The following CDAN1 variants were observed in gnomAD, a reference collection of about 807,000 sequenced individuals.
CDAN1 encodes the protein codanin-1.
Under a neutral mutation model 139.8 loss-of-function variants are expected in CDAN1, and 107 were observed. The observed-to-expected ratio is 0.77, with a 90% confidence interval of 0.65 to 0.90. The LOEUF is 0.90. Among genes scored for constraint, CDAN1 ranks in the 40% least tolerant of loss-of-function variants. The pLI is 0.00. For synonymous variants in CDAN1, 776 were observed against 660.6 expected (o/e 1.17, Z -2.68); for missense variants, 1,667 against 1,575.7 (o/e 1.06, Z -0.98).
intron 5 of CDAN1, 35 bp from the exon 6 acceptor site, chr15:42,735,213 G>A (rs867105987): frequency 3.1e-6 from 5 of 1,602,360 alleles, no homozygotes; most frequent in Middle Eastern, 1.7e-4. Flanking sequence ...AGTTAAGAAC[G>A]GTCCCGTTTC....
Position 42,725,178 on chromosome 15 carries a change from C to G in CDAN1, c.3524G>C (p.Cys1175Ser). Reference sequence around the variant, plus strand: ...CTGGGCCTGGTGGAGGCTGCCCAGGCAGGCCTCTATCTCCATCCGTCCCAT... The same window carrying G: ...CTGGGCCTGGTGGAGGCTGCCCAGGGAGGCCTCTATCTCCATCCGTCCCAT... ...GLMGRMEIEA[C>S]LGSLHQAQWP... The change falls in exon 27 of 28, where the codon TGC becomes TCC. Residue 1175 changes from cysteine to serine, a missense_variant. Cys to Ser is a moderately radical substitution (Grantham distance 112). Coordinates refer to ENST00000356231, the MANE Select transcript of CDAN1 (RefSeq NM_138477.4). The G allele has an allele frequency of 6.2e-7, 1 of 1,614,202 alleles. No individual in the cohort carries two copies. The highest frequency in any genetic ancestry group is 8.5e-7 in the Non-Finnish European group (1 of 1,180,000).
Position 42,730,179 on chromosome 15 carries a change from C to T in CDAN1, c.2211G>A (p.Met737Ile). The change falls in exon 15 of 28, where the codon ATG (methionine) becomes ATA (isoleucine). Residue 737 changes from methionine to isoleucine, a missense_variant. By Grantham distance (10) the Met-to-Ile change is conservative. Around this residue, in one of 3 missense-constraint regions of CDAN1, gnomAD observed 936 missense variants for 844.1 expected, o/e 1.11. Coordinates refer to ENST00000356231, the MANE Select transcript of CDAN1 (RefSeq NM_138477.4). The part of the protein sequence containing the change: ...LVLSQESEGK[M>I]CFLNKLLLLA... ...GTAGCAGCAGCTTGTTCAGGAAACA[C>T]ATCTTCCCCTCACTCTCCTGCGACA... 1 of 1,614,224 alleles carries T rather than the reference C, an allele frequency of 6.2e-7. No homozygotes were observed. Among genetic ancestry groups the T allele is most frequent in the South Asian group, 1.1e-5 (1 of 91,086 alleles).
Position 42,725,608 on chromosome 15 carries a change from G to C in CDAN1, c.3331C>G (p.Arg1111Gly), listed in dbSNP as rs776820554. 94 of 1,613,998 alleles carry C rather than the reference G, an allele frequency of 5.8e-5. No homozygotes were observed. Among genetic ancestry groups the C allele is most frequent in the Middle Eastern group, 1.6e-4 (1 of 6,084 alleles). ...AQYRLERGQARRLLHMLLSLW... is the reference protein window; with the variant it reads ...AQYRLERGQAGRLLHMLLSLW... ...GAAAGCAGCATGTGCAGAAGCCTTC[G>C]AGCCTGCCCTCTCTCCAGCCTGTAC... The change falls in exon 26 of 28, where the codon CGA (arginine) becomes GGA (glycine). Residue 1111 changes from arginine to glycine, a missense_variant. This residue lies in a region of CDAN1 where 936 missense variants were observed against 844.1 expected (regional missense o/e 1.11). Transcript: ENST00000356231.
chr15:42,728,289 C>G (rs749229757), intron 20 of CDAN1, 22 bp from the exon 21 acceptor site: 1 of 1,612,820 alleles, frequency 6.2e-7, no homozygotes, highest in Non-Finnish European at 8.5e-7. Context: ...CAGATGGGGT[C>G]AGTGATCTCT....
chr15:42,724,781 G>A, intron 27 of CDAN1, 165 bp from the exon 28 acceptor site: 1 of 940,212 alleles, frequency 1.1e-6, no homozygotes. Flanking sequence ...TACTCTGGGA[G>A]GCTGAAGTTA....
chr15:42,726,025 A>C (rs2140460692), intron 25 of CDAN1, 72 bp downstream of exon 25: 1 of 1,214,752 alleles, frequency 8.2e-7, no homozygotes, highest in East Asian at 2.4e-5. Flanking sequence ...CTCTGTTTCT[A>C]ATCTTGCTTG....
Position 42,729,061 on chromosome 15 carries a change from C to T in CDAN1, c.2607G>A (p.Val869=). 1 of 1,614,194 alleles carries T rather than the reference C, an allele frequency of 6.2e-7. No homozygotes were observed. The highest frequency in any genetic ancestry group is 2.2e-5 in the East Asian group (1 of 44,874). Residue 869 remains valine, a synonymous_variant, in exon 19 of 28, where the codon GTG becomes GTA. Coordinates refer to ENST00000356231, the MANE Select transcript of CDAN1 (RefSeq NM_138477.4). Reference sequence around the variant, plus strand: ...CACAGTTTGATCCAATTCTTTCTGCCACGAACTCTACGGTCCGGCGCAAGG... The same window carrying T: ...CACAGTTTGATCCAATTCTTTCTGCTACGAACTCTACGGTCCGGCGCAAGG... ...PPSLRRTVEF[V]AERIGSNCVK...
chr15:42,736,840 G>A, intron 1 of CDAN1, 60 bp from the exon 2 acceptor site: 1 of 1,460,822 alleles, frequency 6.8e-7, no homozygotes, highest in Non-Finnish European at 9.0e-7. Flanking sequence ...CGGGCCGTGA[G>A]CAGCCGGGGC....
Position 42,724,387 on chromosome 15 carries a change from C to CT in CDAN1, c.*103dup. 2 of 1,470,906 alleles carry CT rather than the reference C, an allele frequency of 1.4e-6. No homozygotes were observed. Among genetic ancestry groups the CT allele is most frequent in the African/African-American group, 2.8e-5 (2 of 71,698 alleles). The allele number at this position is 1,470,906 out of a possible 1,614,324, so 91.1% of individuals were successfully genotyped here. A position where few individuals can be genotyped will look rare whatever the true frequency, so the allele number is the denominator to read the frequency against. On this transcript the variant is annotated 3_prime_UTR_variant, in exon 28 of 28. Coordinates refer to ENST00000356231, the MANE Select transcript of CDAN1 (RefSeq NM_138477.4). ...GCAGGAAGTCTGACTGTAGACCCAG[C>CT]TACACCCCAACCAGTGAGGGTCTGC...
In CDAN1 at chr15:42,729,373, G is replaced by T; in HGVS notation, c.2408-11C>A. The T allele has an allele frequency of 6.2e-7, 1 of 1,614,106 alleles. No individual in the cohort carries two copies. The highest frequency in any genetic ancestry group is 8.5e-7 in the Non-Finnish European group (1 of 1,179,990). On this transcript the variant is annotated splice_polypyrimidine_tract_variant and intron_variant, in intron 17 of 27. Coordinates refer to ENST00000356231, the MANE Select transcript of CDAN1 (RefSeq NM_138477.4). ...GTTTCCGGAGCTCTCCTGTATCAGT[G>T]AAGTCCAAGTTCTCAGTTCCAGAAC...
intron 7 of CDAN1, 82 bp downstream of exon 7, chr15:42,734,144 G>A: frequency 1.2e-6 from 2 of 1,606,580 alleles, no homozygotes; most frequent in South Asian, 1.1e-5. Context: ...ACACTGAAGT[G>A]TCGTCAGCAG....
chr15:42,728,991 C>T (rs374649955), intron 19 of CDAN1, 32 bp downstream of exon 19: 44 of 1,604,180 alleles, frequency 2.7e-5, no homozygotes, highest in Middle Eastern at 1.7e-4. Flanking sequence ...AATGGTAGGG[C>T]GATGAGACCA....
intron 9 of CDAN1, 50 bp from the exon 10 acceptor site, chr15:42,732,458 G>A (rs1250479931): frequency 1.3e-6 from 2 of 1,551,580 alleles, no homozygotes; most frequent in Non-Finnish European, 1.8e-6. Flanking sequence ...GGGAGAGGGA[G>A]AAAGATCTGA....
In CDAN1 at chr15:42,735,120, C is replaced by G; in HGVS notation, c.1116G>C (p.Gln372His). 1.2e-6 allele frequency: 2 copies of G among 1,613,808 alleles called. No homozygotes were observed. The highest frequency in any genetic ancestry group is 1.7e-6 in the Non-Finnish European group (2 of 1,179,752). The change falls in exon 6 of 28, where the codon CAG (glutamine) becomes CAC (histidine). Residue 372 changes from glutamine (Q) to histidine (H), a missense_variant. This residue lies in a region of CDAN1 where 244 missense variants were observed against 309.4 expected (regional missense o/e 0.79). Coordinates refer to ENST00000356231, the MANE Select transcript of CDAN1 (RefSeq NM_138477.4). ...CTCACTGAAAGTGACACTCCAAAAC[C>G]TGCACTGCAAAGAAGACACAATCGT... ...SIHDCVFFAV[Q>H]VLECHFQVLS...
chr15:42,724,735 C>A (rs1449457931), intron 27 of CDAN1, 119 bp from the exon 28 acceptor site: 4 of 1,223,148 alleles, frequency 3.3e-6, no homozygotes, highest in Non-Finnish European at 4.6e-6. Flanking sequence ...CTGCCCTCCA[C>A]ACTGAAATGG....
At chr15:42,731,137 AT>A in intron 12 of CDAN1, 66 bp from the exon 13 acceptor site, 1 of 1,614,212 alleles carries the variant, frequency 6.2e-7, no homozygotes, top group Non-Finnish European at 8.5e-7. Context: ...CCGATCTGTT[AT>A]AAAGTTTTTC....
chr15:42,735,991 T>A lies in CDAN1; in HGVS notation c.657A>T (p.Pro219=). Residue 219 remains proline, a synonymous_variant, in exon 3 of 28, where the codon CCA becomes CCT. Transcript: ENST00000356231. ...SKPKTCFTSP[P]ISCVPSSQPS... is the part of the protein sequence containing the mutation. ...GTTGGGAACTGGGGACACAGCTGAT[T>A]GGGGGTGAGGTGAAGCAGGTCTTGG... 2 of 1,614,108 alleles carry A rather than the reference T, an allele frequency of 1.2e-6. No individual in the cohort carries two copies. The highest frequency in any genetic ancestry group is 4.5e-5 in the East Asian group (2 of 44,862).
chr15:42,724,591 A>G lies in CDAN1; in HGVS notation c.3584T>C (p.Leu1195Pro), dbSNP rs1460194406. 4 of 1,552,168 alleles carry G rather than the reference A, an allele frequency of 2.6e-6. No homozygotes were observed. The highest frequency in any genetic ancestry group is 2.0e-5 in the Admixed American group (1 of 51,022). The part of the protein sequence containing the change: ...PGDFAEELAT[L>P]SNLFLAEPHL... ...GGGCTCGGCTAGAAACAGATTAGAC[A>G]GTGTTGCTAATTCTTCAGCAAAGTC... The change falls in exon 28 of 28, where the codon CTG (leucine) becomes CCG (proline). Residue 1195 changes from leucine (L) to proline (P), a missense_variant. This residue lies in a region of CDAN1 where 936 missense variants were observed against 844.1 expected (regional missense o/e 1.11). Coordinates refer to ENST00000356231, the MANE Select transcript of CDAN1 (RefSeq NM_138477.4).
At chr15:42,728,310 G>A (rs759103652) in intron 20 of CDAN1, 43 bp from the exon 21 acceptor site, 3 of 1,598,996 alleles carry the variant, frequency 1.9e-6, no homozygotes, top group African/African-American at 2.7e-5. Flanking sequence ...GGGTATTTCA[G>A]CCTGGCTGCA....
Sources: allele counts gnomAD v4.1 joint callset, GRCh38; gene constraint gnomAD v4.1.1; regional missense constraint gnomAD v4.1.1; transcripts MANE v1.5; gene names NCBI Gene and HGNC (gene_info 2026-07-23, HGNC 2026-07-21).